The following CHN1 variants were observed in gnomAD, a reference collection of about 807,000 sequenced individuals.
CHN1 encodes N-chimaerin.
CHN1 carries 37 observed loss-of-function variants against 59.5 expected under a neutral mutation model. The ratio of observed to expected loss-of-function variants is 0.62; its 90% confidence interval spans 0.48 to 0.82. The LOEUF (loss-of-function observed/expected upper bound fraction) is 0.82. CHN1 is among the 40% of genes least tolerant of loss of function. The probability of loss-of-function intolerance (pLI) is 0.00; values close to 1 mark genes in which losing one functional copy is unlikely to be tolerated. For missense variants in CHN1, 469 were observed against 571.0 expected, an observed-to-expected ratio of 0.82 and a Z score of 1.82; for synonymous variants, 206 against 200.4, an observed-to-expected ratio of 1.03 and a Z score of -0.24.
rs538160934 is a variant in CHN1, at chr2:174,829,345, G to A, written c.628-4827C>T. 8.1e-4 allele frequency among the ~76,000 whole-genome samples: 123 copies of A among 152,320 alleles called. 1 individual carries two copies. The highest frequency in any genetic ancestry group is 2.7e-3 in the African/African-American group (114 of 41,576). The stretch of plus-strand genomic sequence containing the variant: ...CTATTGAGGGGCCCATATGGCACAG[G>A]CCAAGTGTCATGTGTCTCCTGGGCA... On this transcript the variant is annotated intron_variant, in intron 7 of 12. Transcript: ENST00000409900.
chr2:174,943,905 C>T (rs1689747985), intron 3 of CHN1, among the ~76,000 whole-genome samples: 1 of 152,152 alleles, frequency 6.6e-6, no homozygotes, highest in African/African-American at 2.4e-5. Context: ...TGTCTTCTCA[C>T]CTGTGCCTAG....
intron 1 of CHN1, among the ~76,000 whole-genome samples, chr2:174,996,646 A>C (rs979671975): frequency 2.5e-4 from 38 of 152,096 alleles, no homozygotes; most frequent in African/African-American, 8.7e-4. Flanking sequence ...ACATGCTACG[A>C]AAGTACCATC....
At chr2:174,885,254 G>A (rs925779950) in intron 5 of CHN1, among the ~76,000 whole-genome samples, 3 of 150,908 alleles carry the variant, frequency 2.0e-5, no homozygotes, top group Non-Finnish European at 2.9e-5. Context: ...CAGCTTGGGC[G>A]ACAGAGCGAG....
chr2:174,938,545 A>G (rs1431880711), intron 3 of CHN1, among the ~76,000 whole-genome samples: 1 of 152,188 alleles, frequency 6.6e-6, no homozygotes, highest in Non-Finnish European at 1.5e-5. Context: ...TCATTTAGTT[A>G]TCACCTGGGA....
At chr2:174,807,606 A>G (rs1192185758) in intron 11 of CHN1, among the ~76,000 whole-genome samples, 1 of 151,882 alleles carries the variant, frequency 6.6e-6, no homozygotes, top group East Asian at 1.9e-4. Flanking sequence ...ACAAATTTTC[A>G]TGATCAGCAC....
chr2:174,877,819 T>C lies in CHN1; in HGVS notation c.549+21A>G, dbSNP rs77698806. On this transcript the variant is annotated intron_variant, in intron 6 of 12. Transcript: ENST00000409900. Reference sequence around the variant, plus strand: ...GAACCCCAAACAGAAAAAGATAAAGTGTGGTTTCATAGTAGCTTACCCTTT... The same window carrying C: ...GAACCCCAAACAGAAAAAGATAAAGCGTGGTTTCATAGTAGCTTACCCTTT... 3,310 of 1,595,970 alleles carry C rather than the reference T, an allele frequency of 2.1e-3. 57 individuals are homozygous for C. The Admixed American group carries it at 0.038, about 18-fold the overall frequency.
At chr2:174,807,446 C>CTGTGTGTGTGTGTGTGTGTGTGTGTGTG (rs71031071) in intron 11 of CHN1, among the ~76,000 whole-genome samples, 1 of 83,774 alleles carries the variant, frequency 1.2e-5, no homozygotes, top group African/African-American at 4.4e-5. Flanking sequence ...CACGGGCTAT[C>CTGTGTGTGTGTGTGTGTGTGTGTGTGTG]TGTGTGTGTG....
intron 3 of CHN1, among the ~76,000 whole-genome samples, chr2:174,922,723 T>C (rs1553484316): frequency 6.9e-6 from 1 of 145,976 alleles, no homozygotes; most frequent in Non-Finnish European, 1.5e-5. Flanking sequence ...CATACATACA[T>C]AAAAAAAAAG....
At chr2:174,989,490 C>A (rs1691467088) in intron 1 of CHN1, among the ~76,000 whole-genome samples, 1 of 152,160 alleles carries the variant, frequency 6.6e-6, no homozygotes, top group Admixed American at 6.5e-5. Flanking sequence ...GCATATTAGG[C>A]CTGGCATGGT....
At chr2:174,859,506 A>G (rs1044384654) in intron 6 of CHN1, among the ~76,000 whole-genome samples, 1 of 152,204 alleles carries the variant, frequency 6.6e-6, no homozygotes, top group African/African-American at 2.4e-5. Flanking sequence ...TAATTACTGT[A>G]GTCTTCTGCC....
In CHN1 at chr2:174,799,593, AG is replaced by A. The variant is rs768724238; in HGVS notation, c.*522del. 9.5e-6 allele frequency: 5 copies of A among 527,232 alleles called. No homozygotes were observed. Among genetic ancestry groups the A allele is most frequent in the Non-Finnish European group, 1.1e-5 (3 of 271,996 alleles). The allele number at this position is 527,232 out of a possible 1,614,324, so 32.7% of individuals were successfully genotyped here. On this transcript the variant is annotated 3_prime_UTR_variant, in exon 13 of 13. Transcript: ENST00000409900. The stretch of plus-strand genomic sequence containing the variant: ...TGGAAAGAAAGTACTATGTTAGAGA[AG>A]AACTAAGAGAAACCAGAAATCATTT...
At chr2:174,805,952 C>G (rs1314689277) in intron 11 of CHN1, among the ~76,000 whole-genome samples, 1 of 152,142 alleles carries the variant, frequency 6.6e-6, no homozygotes, top group Non-Finnish European at 1.5e-5. Flanking sequence ...GCTCTGGGAA[C>G]AGAGTTCTCA....
chr2:174,838,380 A>C (rs1479516396), intron 7 of CHN1, among the ~76,000 whole-genome samples: 1 of 152,192 alleles, frequency 6.6e-6, no homozygotes, highest in Non-Finnish European at 1.5e-5. Context: ...GGAATGAGCC[A>C]CTGCGCCCAG....
chr2:175,001,573 A>G (rs1411862748), intron 1 of CHN1, among the ~76,000 whole-genome samples: 1 of 152,230 alleles, frequency 6.6e-6, no homozygotes, highest in Non-Finnish European at 1.5e-5. Flanking sequence ...GAAGTGATCT[A>G]TGGTAGTAAG....
At chr2:174,935,216 T>C (rs1454155821) in intron 3 of CHN1, among the ~76,000 whole-genome samples, 3 of 152,196 alleles carry the variant, frequency 2.0e-5, no homozygotes, top group Non-Finnish European at 4.4e-5. Context: ...GCTTCTGCAC[T>C]AAGTAAAGGT....
rs192407987 is a variant in CHN1, at chr2:174,847,906, G to T, written c.550-949C>A. ...AAAATTAACATACATACAGCACTAG[G>T]TTTTAAAAATAATGCAGCACCACTG... On this transcript the variant is annotated intron_variant, in intron 6 of 12. Coordinates refer to ENST00000409900, the MANE Select transcript of CHN1 (RefSeq NM_001822.7). 6.6e-5 allele frequency among the ~76,000 whole-genome samples: 10 copies of T among 151,874 alleles called. No individual in the cohort carries two copies. In the East Asian group the frequency reaches 1.7e-3, roughly 26 times the overall value.
chr2:174,811,694 CAT>C, intron 9 of CHN1, 106 bp from the exon 10 acceptor site: 1 of 638,500 alleles, frequency 1.6e-6, no homozygotes, highest in Non-Finnish European at 2.7e-6. Context: ...ATAAAATATA[CAT>C]GTTTAGAAAT....
chr2:174,967,119 G>A (rs67135408), intron 1 of CHN1, among the ~76,000 whole-genome samples: 9,302 of 152,066 alleles, frequency 0.061, 346 homozygotes, highest in African/African-American at 0.097. Flanking sequence ...CTGAGGCAGC[G>A]GATCACTTGA....
chr2:174,828,293 G>T (rs1189399813), intron 7 of CHN1, among the ~76,000 whole-genome samples: 1 of 152,122 alleles, frequency 6.6e-6, no homozygotes, highest in African/African-American at 2.4e-5. Flanking sequence ...TCCTTTTTGG[G>T]TGACACATTA....
Sources: allele counts gnomAD v4.1 joint callset (sites outside exome capture counted in the v4.1 genomes callset), GRCh38; gene constraint gnomAD v4.1.1; transcripts MANE v1.5; gene names NCBI Gene and HGNC (gene_info 2026-07-23, HGNC 2026-07-21).